The following PCDHGA12 variants were observed in gnomAD, a reference collection of about 807,000 sequenced individuals.
PCDHGA12 encodes protocadherin gamma-A12.
Under a neutral mutation model 61.1 loss-of-function variants are expected in PCDHGA12, and 43 were observed. The observed-to-expected ratio is 0.70, with a 90% CI of 0.55 to 0.91. The LOEUF (loss-of-function observed/expected upper bound fraction) is 0.91. PCDHGA12 is among the 40% of genes least tolerant of loss of function. PCDHGA12 has a pLI of 0.00. For synonymous variants in PCDHGA12, 520 were observed against 542.9 expected (o/e 0.96, Z 0.59); for missense variants, 1,236 against 1,227.7 (o/e 1.01, Z -0.10).
chr5:141,495,900 G>A (rs1403705200), intron 2 of PCDHGA12, among the ~76,000 whole-genome samples: 2 of 151,894 alleles, frequency 1.3e-5, no homozygotes, highest in East Asian at 1.9e-4. Context: ...CTTTGTCTCT[G>A]TCTCTGTATA....
At position 141,485,532 on chromosome 5, in the gene PCDHGA12, A is replaced by C. The variant is rs1360942348; in HGVS notation, c.2425-9275A>C. 6.2e-7 allele frequency: 1 copy of C among 1,614,108 alleles called. No individual in the cohort carries two copies. The highest frequency in any genetic ancestry group is 1.7e-5 in the Admixed American group (1 of 60,000). ...GGTCCTTTGGAAATGTACCGAGCAG[A>C]GGTAGAGATCGTAGATGTGAATGAT... On this transcript the variant is annotated intron_variant, in intron 1 of 3. Transcript: ENST00000252085. This position sits in a 1 kb window ranked among gnomAD's most constrained non-coding sequence, Gnocchi z 5.7.
chr5:141,483,661 T>TGTGTGA (rs1357903548), intron 1 of PCDHGA12, among the ~76,000 whole-genome samples: 7 of 152,042 alleles, frequency 4.6e-5, no homozygotes, highest in African/African-American at 1.7e-4. Context: ...TGTGTGTGTG[T>TGTGTGA]GTGTGTGTAA....
chr5:141,452,364 A>G (rs1330623001), intron 1 of PCDHGA12, among the ~76,000 whole-genome samples: 1 of 152,188 alleles, frequency 6.6e-6, no homozygotes, highest in African/African-American at 2.4e-5. Flanking sequence ...GCCTTGCTTC[A>G]TTTTAGTAGG....
chr5:141,487,459 T>A lies in PCDHGA12; in HGVS notation c.2425-7348T>A. The A allele has an allele frequency of 1.2e-6, 2 of 1,614,102 alleles. No homozygotes were observed. Among genetic ancestry groups the A allele is most frequent in the Non-Finnish European group, 1.7e-6 (2 of 1,180,008 alleles). On this transcript the variant is annotated intron_variant, in intron 1 of 3. Transcript: ENST00000252085. The surrounding 1 kb of genome is among the most constrained non-coding windows in gnomAD (Gnocchi z 5.0). ...TAGGGTCAGATGACCCTATCAAGTT[T>A]GTTGATGTGGGAGGCCACTCTCATG...
intron 1 of PCDHGA12, among the ~76,000 whole-genome samples, chr5:141,444,315 G>A (rs2098431855): frequency 6.6e-6 from 1 of 151,946 alleles, no homozygotes; most frequent in South Asian, 2.1e-4. Flanking sequence ...AGGATTACAG[G>A]CATGTGCCAC....
At chr5:141,434,561 G>A (rs2097702856) in intron 1 of PCDHGA12, among the ~76,000 whole-genome samples, 1 of 152,188 alleles carries the variant, frequency 6.6e-6, no homozygotes, top group Non-Finnish European at 1.5e-5. Flanking sequence ...GTGCCTTAAG[G>A]ACATGCCCCT....
chr5:141,470,459 A>T (rs59770804), intron 1 of PCDHGA12, among the ~76,000 whole-genome samples: 32,627 of 152,034 alleles, frequency 0.21, 3,610 homozygotes, highest in African/African-American at 0.27. Context: ...CTTGAATAGG[A>T]TTTTCTGATA....
Position 141,490,810 on chromosome 5 carries a change from T to C in PCDHGA12, c.2425-3997T>C, listed in dbSNP as rs2099704652. On this transcript the variant is annotated intron_variant, in intron 1 of 3. Transcript: ENST00000252085. This position sits in a 1 kb window ranked among gnomAD's most constrained non-coding sequence, Gnocchi z 5.4. ...GATCTTTGCCCAGCGTACCTTTGAC[T>C]ATGAATTGCTGCAGATGCTGCAGAT... 1 of 1,613,936 alleles carries C rather than the reference T, an allele frequency of 6.2e-7. No individual in the cohort carries two copies. Among genetic ancestry groups the C allele is most frequent in the Non-Finnish European group, 8.5e-7 (1 of 1,179,884 alleles).
chr5:141,481,509 T>C (rs2154578624), intron 1 of PCDHGA12, among the ~76,000 whole-genome samples: 2 of 152,326 alleles, frequency 1.3e-5, no homozygotes, highest in Middle Eastern at 3.4e-3. Context: ...GTATGTGAAT[T>C]ATGTCTCAGT....
In PCDHGA12 at chr5:141,431,739, A is replaced by G; in HGVS notation, c.980A>G (p.Tyr327Cys). 3.1e-6 allele frequency: 5 copies of G among 1,614,240 alleles called. No homozygotes were observed. Among genetic ancestry groups the G allele is most frequent in the Non-Finnish European group, 3.4e-6 (4 of 1,180,048 alleles). Reference protein sequence around the residue: ...MEVQAMDNAGYSARAKVLITV... With the variant: ...MEVQAMDNAGCSARAKVLITV... Reference sequence around the variant, plus strand: ...GTGCAAGCAATGGATAATGCAGGATATTCTGCGCGAGCCAAAGTCCTGATC... The same window carrying G: ...GTGCAAGCAATGGATAATGCAGGATGTTCTGCGCGAGCCAAAGTCCTGATC... The change falls in exon 1 of 4, where the codon TAT (tyrosine) becomes TGT (cysteine). Residue 327 changes from tyrosine (Y) to cysteine (C), a missense_variant. By Grantham distance (194) the Tyr-to-Cys change is radical (BLOSUM62 -2). Transcript: ENST00000252085. The surrounding 1 kb of genome is among the most constrained non-coding windows in gnomAD (Gnocchi z 4.8).
chr5:141,465,761 G>A (rs1040750106), intron 1 of PCDHGA12, among the ~76,000 whole-genome samples: 2 of 151,634 alleles, frequency 1.3e-5, no homozygotes, highest in African/African-American at 4.8e-5. Flanking sequence ...GTAAAGTCAT[G>A]TTTCATCTCT....
At chr5:141,441,340 C>T (rs2098240395) in intron 1 of PCDHGA12, 1 of 152,330 alleles carries the variant, frequency 6.6e-6, no homozygotes, top group Non-Finnish European at 1.5e-5. Flanking sequence ...CAATAATTAA[C>T]TACATGCTTG....
intron 2 of PCDHGA12, among the ~76,000 whole-genome samples, chr5:141,501,290 T>TAC (rs55762287): frequency 0.12 from 16,682 of 135,960 alleles, 995 homozygotes; most frequent in African/African-American, 0.18. Flanking sequence ...TATTCCCTTA[T>TAC]ACACACACAC....
At chr5:141,443,166 C>G (rs914863821) in intron 1 of PCDHGA12, among the ~76,000 whole-genome samples, 1 of 152,124 alleles carries the variant, frequency 6.6e-6, no homozygotes, top group African/African-American at 2.4e-5. Flanking sequence ...ATTTCCCTAC[C>G]CATGTCCACT....
chr5:141,482,032 C>T (rs1370023352), intron 1 of PCDHGA12, among the ~76,000 whole-genome samples: 1 of 151,018 alleles, frequency 6.6e-6, no homozygotes, highest in African/African-American at 2.4e-5. Flanking sequence ...TTGCAGTGAG[C>T]CAAGATCATG....
intron 2 of PCDHGA12, among the ~76,000 whole-genome samples, chr5:141,504,506 A>T (rs575756846): frequency 1.3e-5 from 2 of 152,096 alleles, no homozygotes; most frequent in African/African-American, 4.8e-5. Context: ...GTCTGAGTGG[A>T]TCTCCTCTGA....
intron 1 of PCDHGA12, among the ~76,000 whole-genome samples, chr5:141,483,302 C>G (rs1262756268): frequency 2.0e-5 from 3 of 152,012 alleles, no homozygotes; most frequent in Admixed American, 6.5e-5. Context: ...AGTGAAGGGA[C>G]TGGGGACATT....
chr5:141,507,101 T>C (rs1341285140), intron 3 of PCDHGA12: 2 of 152,204 alleles, frequency 1.3e-5, no homozygotes, highest in African/African-American at 2.4e-5. Flanking sequence ...CTTTCTACTA[T>C]AGGGACCATG....
In PCDHGA12 at chr5:141,430,655, G is replaced by C. The variant is rs1309165721; in HGVS notation, c.-105G>C. Reference sequence around the variant, plus strand: ...ATCCCTGGGAGTATGTGGAAACAACGGAGGAGCTCTGACTTCCCAACTGTC... The same window carrying C: ...ATCCCTGGGAGTATGTGGAAACAACCGAGGAGCTCTGACTTCCCAACTGTC... On this transcript the variant is annotated 5_prime_UTR_variant, in exon 1 of 4. Transcript: ENST00000252085. 1.8e-6 allele frequency: 2 copies of C among 1,085,056 alleles called. No homozygotes were observed. Among genetic ancestry groups the C allele is most frequent in the Non-Finnish European group, 2.6e-6 (2 of 781,612 alleles). 67.2% of individuals were successfully genotyped at this position (1,085,056 alleles called of 1,614,324 possible).
Sources: allele counts gnomAD v4.1 joint callset (sites outside exome capture counted in the v4.1 genomes callset), GRCh38; gene constraint gnomAD v4.1.1; non-coding constraint Gnocchi (gnomAD v3.1); transcripts MANE v1.5; gene names NCBI Gene and HGNC (gene_info 2026-07-23, HGNC 2026-07-21).